CYP19A1: variants seen among roughly 807,000 people sequenced by gnomAD.
CYP19A1 encodes aromatase.
A neutral mutation model predicts 44.4 loss-of-function variants in CYP19A1; 32 were observed. That is an observed-to-expected ratio of 0.72 (90% CI 0.54 to 0.97). CYP19A1 has a LOEUF of 0.97. CYP19A1 is among the 50% of genes least tolerant of loss of function. The pLI is 0.00. For synonymous variants in CYP19A1, 212 were observed against 215.6 expected (o/e 0.98, Z 0.14); for missense variants, 598 against 637.8 (o/e 0.94, Z 0.67).
intron 1 of CYP19A1, among the ~76,000 whole-genome samples, chr15:51,289,582 G>A (rs755206531): frequency 4.6e-5 from 7 of 152,176 alleles, no homozygotes; most frequent in Non-Finnish European, 1.0e-4. Flanking sequence ...ACAATGGCAG[G>A]TGTTTGCCTG....
At chr15:51,306,394 G>C (rs943731098) in intron 1 of CYP19A1, among the ~76,000 whole-genome samples, 1 of 151,472 alleles carries the variant, frequency 6.6e-6, no homozygotes, top group Non-Finnish European at 1.5e-5. Context: ...AGCAGTTTTT[G>C]TTTTTTTGTT....
chr15:51,331,811 G>A (rs914806492), intron 1 of CYP19A1, among the ~76,000 whole-genome samples: 2 of 152,082 alleles, frequency 1.3e-5, no homozygotes, highest in African/African-American at 4.8e-5. Flanking sequence ...TATTAACAGA[G>A]TAATTCTTTC....
chr15:51,321,942 T>G, intron 1 of CYP19A1: 1 of 135,836 alleles, frequency 7.4e-6, no homozygotes. Flanking sequence ...AGAAATGCTG[T>G]TTAGGGGAAA....
chr15:51,333,722 C>T (rs2036736265), intron 1 of CYP19A1, among the ~76,000 whole-genome samples: 1 of 152,156 alleles, frequency 6.6e-6, no homozygotes, highest in African/African-American at 2.4e-5. Flanking sequence ...GCCGGGGCCA[C>T]TCCTCTGGTC....
At chr15:51,240,663 G>A (rs928567364) in intron 2 of CYP19A1, among the ~76,000 whole-genome samples, 21 of 152,272 alleles carry the variant, frequency 1.4e-4, no homozygotes, top group African/African-American at 5.1e-4. Flanking sequence ...TGTGCTACTA[G>A]TGGATTCTAA....
At chr15:51,318,893 T>C (rs2036477541) in intron 1 of CYP19A1, 1 of 152,232 alleles carries the variant, frequency 6.6e-6, no homozygotes. Flanking sequence ...TTTCCAATAA[T>C]GTGGTATGTC....
chr15:51,302,749 C>T (rs1031261208), intron 1 of CYP19A1, among the ~76,000 whole-genome samples: 1 of 152,220 alleles, frequency 6.6e-6, no homozygotes, highest in Non-Finnish European at 1.5e-5. Flanking sequence ...CCTCCTCTGG[C>T]AGGCCTTCTT....
intron 1 of CYP19A1, among the ~76,000 whole-genome samples, chr15:51,246,537 C>G (rs1036399399): frequency 1.3e-5 from 2 of 152,172 alleles, no homozygotes; most frequent in Non-Finnish European, 2.9e-5. Context: ...TAAGAAAACG[C>G]GAGTCCTACA....
intron 1 of CYP19A1, among the ~76,000 whole-genome samples, chr15:51,319,289 AT>A (rs2141020315): frequency 1.3e-5 from 2 of 152,376 alleles, no homozygotes; most frequent in African/African-American, 4.8e-5. Context: ...TTAATGGAAT[AT>A]TCATCTATTT....
At chr15:51,254,722 A>T (rs1168654205) in intron 1 of CYP19A1, among the ~76,000 whole-genome samples, 1 of 152,146 alleles carries the variant, frequency 6.6e-6, no homozygotes, top group East Asian at 1.9e-4. Flanking sequence ...TAAAATATTA[A>T]TGTCCACTAT....
chr15:51,291,845 C>T (rs1395118011), intron 1 of CYP19A1, among the ~76,000 whole-genome samples: 1 of 152,100 alleles, frequency 6.6e-6, no homozygotes, highest in Admixed American at 6.5e-5. Flanking sequence ...GAAAAGCAGC[C>T]ACGAGGGTAG....
intron 1 of CYP19A1, among the ~76,000 whole-genome samples, chr15:51,263,141 A>C (rs967362749): frequency 1.3e-5 from 2 of 152,172 alleles, no homozygotes; most frequent in African/African-American, 4.8e-5. Flanking sequence ...AAAGGAACAG[A>C]CAAAAAAAAA....
intron 1 of CYP19A1, among the ~76,000 whole-genome samples, chr15:51,258,057 G>A (rs1034872102): frequency 2.6e-5 from 4 of 152,328 alleles, no homozygotes; most frequent in Middle Eastern, 3.4e-3. Flanking sequence ...CAGAATAGAA[G>A]CAACTTGCTC....
At chr15:51,276,127 G>T (rs1172716382) in intron 1 of CYP19A1, among the ~76,000 whole-genome samples, 1 of 152,208 alleles carries the variant, frequency 6.6e-6, no homozygotes, top group Non-Finnish European at 1.5e-5. Flanking sequence ...ATGCAGGCAT[G>T]TGTGTGAATG....
chr15:51,220,042 G>A (rs1011288423), intron 5 of CYP19A1, among the ~76,000 whole-genome samples: 2 of 152,194 alleles, frequency 1.3e-5, no homozygotes, highest in Admixed American at 6.5e-5. Context: ...AGGGCTTATA[G>A]CTTGTCTATG....
intron 1 of CYP19A1, among the ~76,000 whole-genome samples, chr15:51,262,237 T>G (rs1420577949): frequency 6.6e-6 from 1 of 152,248 alleles, no homozygotes; most frequent in Admixed American, 6.5e-5. Flanking sequence ...GGAATACTTT[T>G]AGTAAATCTA....
chr15:51,286,362 G>C (rs999313168), intron 1 of CYP19A1, among the ~76,000 whole-genome samples: 1 of 152,154 alleles, frequency 6.6e-6, no homozygotes, highest in African/African-American at 2.4e-5. Flanking sequence ...TTTAGATGAG[G>C]GGGGCTAAAA....
chr15:51,273,357 C>T (rs749833666), intron 1 of CYP19A1, among the ~76,000 whole-genome samples: 1 of 152,170 alleles, frequency 6.6e-6, no homozygotes, highest in Non-Finnish European at 1.5e-5. Flanking sequence ...TGTTTATATT[C>T]AGCAGGCAAA....
At chr15:51,275,969 C>T (rs958387329) in intron 1 of CYP19A1, among the ~76,000 whole-genome samples, 2 of 152,110 alleles carry the variant, frequency 1.3e-5, no homozygotes, top group Admixed American at 6.5e-5. Flanking sequence ...GGAAAAGGGC[C>T]GTCAAGTTTG....
Sources: gnomAD v4.1 joint callset for allele counts (sites outside exome capture counted in the v4.1 genomes callset) on GRCh38, gnomAD v4.1.1 for gene constraint, MANE v1.5 for transcripts, NCBI Gene and HGNC (gene_info 2026-07-23, HGNC 2026-07-21) for gene names.